The following GALM variants were observed in gnomAD, a reference collection of about 807,000 sequenced individuals.
GALM encodes the protein galactose mutarotase.
Under a neutral mutation model 37.4 loss-of-function variants are expected in GALM, and 43 were observed. The observed-to-expected ratio is 1.15, with a 90% CI of 0.90 to 1.48. GALM has a LOEUF of 1.48. Ranked by LOEUF, GALM falls within the 40% of genes most tolerant of loss-of-function variation. The pLI, the probability that GALM is intolerant of heterozygous loss-of-function variation, is 0.00. For missense variants in GALM, 456 were observed against 419.1 expected, an observed-to-expected ratio of 1.09 and a Z score of -0.77; for synonymous variants, 199 against 170.6, an observed-to-expected ratio of 1.17 and a Z score of -1.30.
intron 4 of GALM, among the ~76,000 whole-genome samples, chr2:38,712,397 T>C (rs1205096597): frequency 6.6e-6 from 1 of 152,194 alleles, no homozygotes; most frequent in Non-Finnish European, 1.5e-5. Context: ...ATGATTTGTA[T>C]TTGAACATAT....
chr2:38,696,781 CTTTT>C (rs34163863), intron 4 of GALM, among the ~76,000 whole-genome samples: 4 of 68,474 alleles, frequency 5.8e-5, no homozygotes, highest in South Asian at 5.6e-4. Context: ...CCCAAGAAAG[CTTTT>C]TTTTTTTTTT....
chr2:38,700,465 C>T (rs75381296), intron 4 of GALM, among the ~76,000 whole-genome samples: 1 of 151,382 alleles, frequency 6.6e-6, no homozygotes, highest in African/African-American at 2.4e-5. Flanking sequence ...CTGAATTGAT[C>T]CCTTTATCAT....
chr2:38,675,440 G>A (rs1665220195), intron 1 of GALM, among the ~76,000 whole-genome samples: 1 of 151,480 alleles, frequency 6.6e-6, no homozygotes, highest in Non-Finnish European at 1.5e-5. Context: ...ACTTTGACAT[G>A]CCCAAGATGT....
At chr2:38,696,781 CTT>C (rs34163863) in intron 4 of GALM, among the ~76,000 whole-genome samples, 9 of 68,476 alleles carry the variant, frequency 1.3e-4, no homozygotes, top group African/African-American at 3.3e-4. Context: ...CCCAAGAAAG[CTT>C]TTTTTTTTTT....
chr2:38,675,589 G>GT (rs1665240236), intron 1 of GALM, among the ~76,000 whole-genome samples: 3 of 128,510 alleles, frequency 2.3e-5, no homozygotes, highest in Non-Finnish European at 4.8e-5. Flanking sequence ...GTGTGTGTGT[G>GT]ATGGAGTCTC....
chr2:38,729,098 T>C (rs1461333607), intron 4 of GALM, among the ~76,000 whole-genome samples: 2 of 152,296 alleles, frequency 1.3e-5, no homozygotes, highest in East Asian at 3.9e-4. Flanking sequence ...TCTAGTTCCT[T>C]CTATAAAATG....
rs540797251 is a variant in GALM at position 38,688,087 on chromosome 2, T to G, written c.553-1726T>G. On this transcript the variant is annotated intron_variant, in intron 3 of 6. Transcript: ENST00000272252. Reference sequence around the variant, plus strand: ...ATTAGCCAAGTGTGGTGGCACACGCTTGTAATCCCAGCTGCTCGGGAGGCT... The same window carrying G: ...ATTAGCCAAGTGTGGTGGCACACGCGTGTAATCCCAGCTGCTCGGGAGGCT... 2.6e-5 allele frequency among the ~76,000 whole-genome samples: 4 copies of G among 151,912 alleles called. No homozygotes were observed. The South Asian group carries it at 8.3e-4, about 32-fold the overall frequency.
At position 38,690,439 on chromosome 2, in the gene GALM, G is replaced by C. The variant is rs551189830; in HGVS notation, c.634+545G>C. Among the ~76,000 whole-genome samples the C allele has an allele frequency of 1.2e-3, 190 of 152,048 alleles. 1 individual carries two copies. The highest frequency in any genetic ancestry group is 3.4e-3 in the Middle Eastern group (1 of 294). ...TTGTTTTAGCTGGCTTTTTTGGGAG[G>C]GGGGCGGTGCGGGAGGGGATAGGGT... On this transcript the variant is annotated intron_variant, in intron 4 of 6. Transcript: ENST00000272252.
chr2:38,667,002 A>G (rs1664958779), intron 1 of GALM, among the ~76,000 whole-genome samples: 1 of 151,954 alleles, frequency 6.6e-6, no homozygotes, highest in South Asian at 2.1e-4. Context: ...ACATTTGACA[A>G]CTCTATTAAT....
intron 4 of GALM, among the ~76,000 whole-genome samples, chr2:38,694,081 C>G (rs548626179): frequency 6.6e-6 from 1 of 151,966 alleles, no homozygotes; most frequent in South Asian, 2.1e-4. Context: ...ATTTGGGAGG[C>G]TGAGGTAAGA....
At chr2:38,667,804 T>C (rs1664988131) in intron 1 of GALM, among the ~76,000 whole-genome samples, 1 of 152,082 alleles carries the variant, frequency 6.6e-6, no homozygotes, top group Non-Finnish European at 1.5e-5. Context: ...GCCACTGCAC[T>C]CCAGCCTGGG....
At chr2:38,729,800 C>T in intron 5 of GALM, 103 bp downstream of exon 5, 1 of 959,392 alleles carries the variant, frequency 1.0e-6, no homozygotes, top group Non-Finnish European at 1.6e-6. Flanking sequence ...ATTTACTATG[C>T]TACAAGTGAC....
rs1665519959 is a variant in GALM, at chr2:38,686,241, TTTCTTTC to T, written c.553-3569_553-3563del. 2.1e-5 allele frequency among the ~76,000 whole-genome samples: 2 copies of T among 93,630 alleles called. 1 individual carries two copies. The highest frequency in any genetic ancestry group is 1.2e-3 in the East Asian group (2 of 1,632). 61.4% of individuals were successfully genotyped at this position (93,630 alleles called of 152,430 possible). A position where few individuals can be genotyped will look rare whatever the true frequency, so the allele number is the denominator to read the frequency against. On this transcript the variant is annotated intron_variant, in intron 3 of 6. Coordinates refer to ENST00000272252, the MANE Select transcript of GALM (RefSeq NM_138801.3). ...GGAAATTTCTTTCTTTCTTTCTTTC[TTTCTTTC>T]TTTCTTTCTTTCTTTCTTTCTTTCT...
chr2:38,698,733 C>T (rs1055875293), intron 4 of GALM, among the ~76,000 whole-genome samples: 2 of 151,924 alleles, frequency 1.3e-5, no homozygotes, highest in African/African-American at 2.4e-5. Context: ...ACAGAGAACA[C>T]TGCAGTGCCA....
chr2:38,673,403 T>C (rs1665163226), intron 1 of GALM, among the ~76,000 whole-genome samples: 1 of 152,164 alleles, frequency 6.6e-6, no homozygotes, highest in Non-Finnish European at 1.5e-5. Context: ...ATCTTTTCCA[T>C]CGTAAAGTAA....
intron 3 of GALM, 25 bp downstream of exon 3, chr2:38,681,511 C>T: frequency 6.3e-7 from 1 of 1,575,158 alleles, no homozygotes; most frequent in Non-Finnish European, 8.7e-7. Context: ...TTCTTCTTTC[C>T]TGCTTCGTGC....
chr2:38,722,052 C>CCCCCCCCCG (rs1666391057), intron 4 of GALM, among the ~76,000 whole-genome samples: 1 of 121,570 alleles, frequency 8.2e-6, no homozygotes, highest in Non-Finnish European at 1.8e-5. Context: ...CCCCCCCCCC[C>CCCCCCCCCG]ACCTAGAACA....
At position 38,731,764 on chromosome 2, in the gene GALM, T is replaced by C; in HGVS notation, c.806T>C (p.Leu269Pro). 6.2e-7 allele frequency: 1 copy of C among 1,614,022 alleles called. No individual in the cohort carries two copies. The highest frequency in any genetic ancestry group is 8.5e-7 in the Non-Finnish European group (1 of 1,179,934). The change falls in exon 6 of 7, where the codon CTA becomes CCA. Residue 269 changes from leucine (L) to proline (P), a missense_variant. Leu to Pro is a moderately conservative substitution (Grantham distance 98). Coordinates refer to ENST00000272252, the MANE Select transcript of GALM (RefSeq NM_138801.3). ...CATCATGCTGCAAGCGGGCGGGTAC[T>C]AGAAGTATACACCACCCAGCCCGGG... ...RVHHAASGRVLEVYTTQPGVQ... is the reference protein window; with the variant it reads ...RVHHAASGRVPEVYTTQPGVQ...
chr2:38,678,033 T>TTTTG (rs1665302284), intron 2 of GALM, among the ~76,000 whole-genome samples: 1 of 151,172 alleles, frequency 6.6e-6, no homozygotes. Context: ...TTTTTTTTTT[T>TTTTG]GAGGCAGAGT....
Sources: gnomAD v4.1 joint callset for allele counts (sites outside exome capture counted in the v4.1 genomes callset) on GRCh38, gnomAD v4.1.1 for gene constraint, MANE v1.5 for transcripts, NCBI Gene and HGNC (gene_info 2026-07-23, HGNC 2026-07-21) for gene names.